The following SPOCK1 variants were observed in gnomAD, a reference collection of about 807,000 sequenced individuals.
SPOCK1 encodes the protein SPARC (osteonectin), cwcv and kazal like domains proteoglycan 1.
A neutral mutation model predicts 55.3 loss-of-function variants in SPOCK1; 23 were observed. The ratio of observed to expected loss-of-function variants is 0.42; its 90% CI spans 0.30 to 0.59. The LOEUF is 0.59. Among genes scored for constraint, SPOCK1 ranks in the 20% least tolerant of loss-of-function variants. The pLI, the probability that SPOCK1 is intolerant of heterozygous loss-of-function variation, is 0.22. For synonymous variants in SPOCK1, 226 were observed against 221.0 expected (o/e 1.02, Z -0.20); for missense variants, 499 against 552.5 (o/e 0.90, Z 0.97).
chr5:137,170,832 C>T (rs1282449436), intron 3 of SPOCK1, among the ~76,000 whole-genome samples: 7 of 152,244 alleles, frequency 4.6e-5, no homozygotes, highest in East Asian at 3.9e-4. Flanking sequence ...AATGCAGGTG[C>T]TACCACTGTT....
chr5:137,018,816 T>A (rs1032322468), intron 6 of SPOCK1, among the ~76,000 whole-genome samples: 9 of 152,212 alleles, frequency 5.9e-5, no homozygotes, highest in African/African-American at 2.2e-4. Flanking sequence ...TAAGTTACTA[T>A]AAATGATGTT....
chr5:137,050,521 C>G (rs1342425419), intron 6 of SPOCK1, among the ~76,000 whole-genome samples: 2 of 151,422 alleles, frequency 1.3e-5, no homozygotes, highest in Non-Finnish European at 1.5e-5. Flanking sequence ...CGCGCACCCA[C>G]TGGCCTGCGC....
At chr5:137,097,138 A>T (rs895075469) in intron 5 of SPOCK1, among the ~76,000 whole-genome samples, 3 of 150,262 alleles carry the variant, frequency 2.0e-5, no homozygotes, top group African/African-American at 7.3e-5. Flanking sequence ...CTACTTACAC[A>T]CAGGGAGGAG....
intron 2 of SPOCK1, among the ~76,000 whole-genome samples, chr5:137,476,367 A>T (rs1451087781): frequency 6.6e-6 from 1 of 152,196 alleles, no homozygotes; most frequent in Non-Finnish European, 1.5e-5. Context: ...CATCAGCTGT[A>T]CCCTTTTCGA....
chr5:137,012,955 T>C (rs986133386), intron 6 of SPOCK1, among the ~76,000 whole-genome samples: 2 of 152,224 alleles, frequency 1.3e-5, no homozygotes, highest in African/African-American at 2.4e-5. Flanking sequence ...ATGTTTATGA[T>C]ACATTAAGTG....
intron 3 of SPOCK1, among the ~76,000 whole-genome samples, chr5:137,145,386 A>G (rs565177432): frequency 6.6e-6 from 1 of 152,274 alleles, no homozygotes; most frequent in South Asian, 2.1e-4. Context: ...AATTAGCTAC[A>G]TTGATTTTAA....
chr5:137,444,811 C>T (rs1173235304), intron 2 of SPOCK1, among the ~76,000 whole-genome samples: 6 of 152,210 alleles, frequency 3.9e-5, no homozygotes, highest in African/African-American at 1.2e-4. Flanking sequence ...TGGAAAATCA[C>T]CCTCTGCTGA....
At position 137,245,916 on chromosome 5, in the gene SPOCK1, T is replaced by C. The variant is rs186155264; in HGVS notation, c.232+21094A>G. ...TTTGAGAAGTCCAGCAAGAAAGATA[T>C]CTACCTAATGTTTAAACTAATGTTG... On this transcript the variant is annotated intron_variant, in intron 3 of 10. Coordinates refer to ENST00000394945, the MANE Select transcript of SPOCK1 (RefSeq NM_004598.4). 4.4e-4 allele frequency among the ~76,000 whole-genome samples: 67 copies of C among 152,302 alleles called. No homozygotes were observed. In the East Asian group the frequency reaches 5.6e-3, roughly 13 times the overall value.
At chr5:137,256,290 A>AT (rs1201982569) in intron 3 of SPOCK1, among the ~76,000 whole-genome samples, 1 of 152,224 alleles carries the variant, frequency 6.6e-6, no homozygotes, top group Non-Finnish European at 1.5e-5. Flanking sequence ...TCTTAGGCTT[A>AT]TTACAAGTGG....
At position 137,058,677 on chromosome 5, in the gene SPOCK1, TAGG is replaced by T. The variant is rs762311799; in HGVS notation, c.589+9035_589+9037del. ...GATAAATGATACAGAGAAAAATAAA[TAGG>T]AGAAGGTAGGTAGGAAGTTCAGGGG... is the stretch of plus-strand genomic sequence containing the variant. On this transcript the variant is annotated intron_variant, in intron 6 of 10. Transcript: ENST00000394945. Among the ~76,000 whole-genome samples, 70 of 152,036 alleles carry T rather than the reference TAGG, an allele frequency of 4.6e-4. 1 individual carries two copies. The highest frequency in any genetic ancestry group is 2.6e-4 in the Non-Finnish European group (18 of 67,958).
intron 5 of SPOCK1, among the ~76,000 whole-genome samples, chr5:137,093,701 C>G (rs1753087852): frequency 6.6e-6 from 1 of 152,164 alleles, no homozygotes; most frequent in Admixed American, 6.5e-5. Flanking sequence ...AGTCCCATGA[C>G]AGTCTAGGGA....
chr5:137,271,988 G>A (rs1409870764), intron 2 of SPOCK1, among the ~76,000 whole-genome samples: 2 of 152,162 alleles, frequency 1.3e-5, no homozygotes, highest in South Asian at 2.1e-4. Context: ...GACCAGGAGG[G>A]AGCAATAGAG....
chr5:137,040,416 A>T (rs945785834), intron 6 of SPOCK1, among the ~76,000 whole-genome samples: 1 of 152,244 alleles, frequency 6.6e-6, no homozygotes, highest in African/African-American at 2.4e-5. Flanking sequence ...AGAAGAGATA[A>T]GTGCTGGAGA....
At chr5:137,375,264 T>C (rs1751288062) in intron 2 of SPOCK1, among the ~76,000 whole-genome samples, 1 of 151,944 alleles carries the variant, frequency 6.6e-6, no homozygotes, top group African/African-American at 2.4e-5. Flanking sequence ...AAACAACGAC[T>C]TCTAGACACA....
chr5:137,041,801 T>C (rs1752004728), intron 6 of SPOCK1, among the ~76,000 whole-genome samples: 1 of 152,206 alleles, frequency 6.6e-6, no homozygotes, highest in Admixed American at 6.5e-5. Flanking sequence ...CAACTCACAA[T>C]ACCAATTGCT....
intron 3 of SPOCK1, among the ~76,000 whole-genome samples, chr5:137,161,802 G>A (rs552699257): frequency 8.5e-5 from 13 of 152,236 alleles, no homozygotes; most frequent in African/African-American, 3.1e-4. Context: ...GAGCAAGATG[G>A]AAGATTTTTA....
In SPOCK1 at chr5:137,131,989, A is replaced by AT. The variant is rs1554099249; in HGVS notation, c.347+8590_347+8591insA. Among the ~76,000 whole-genome samples the AT allele has an allele frequency of 4.6e-3, 167 of 36,034 alleles. 1 individual carries two copies. The highest frequency in any genetic ancestry group is 5.8e-3 in the Non-Finnish European group (137 of 23,436). 23.6% of individuals were successfully genotyped at this position (36,034 alleles called of 152,430 possible). On this transcript the variant is annotated intron_variant, in intron 4 of 10. Transcript: ENST00000394945. ...TCCGTCTCAAAAAAAAAAAAAAAAAAATATATATATATATATATATATATA... is the reference window on the plus strand; with the variant it reads ...TCCGTCTCAAAAAAAAAAAAAAAAAATATATATATATATATATATATATATA...
chr5:137,455,453 G>A (rs1409566963), intron 2 of SPOCK1, among the ~76,000 whole-genome samples: 2 of 152,130 alleles, frequency 1.3e-5, no homozygotes, highest in Non-Finnish European at 2.9e-5. Flanking sequence ...AGGAGACAGG[G>A]CCCAGGCTGG....
chr5:137,311,125 T>A (rs1272951455), intron 2 of SPOCK1, among the ~76,000 whole-genome samples: 2 of 152,160 alleles, frequency 1.3e-5, no homozygotes, highest in Non-Finnish European at 2.9e-5. Flanking sequence ...AGCCTCTGAG[T>A]GTTGGTTTAA....
Sources: allele counts gnomAD v4.1 joint callset (sites outside exome capture counted in the v4.1 genomes callset), GRCh38; gene constraint gnomAD v4.1.1; transcripts MANE v1.5; gene names NCBI Gene and HGNC (gene_info 2026-07-23, HGNC 2026-07-21).